The following DNAH10 variants were observed in gnomAD, a reference collection of about 807,000 sequenced individuals.
The protein encoded by DNAH10 is axonemal beta dynein heavy chain 10.
Under a neutral mutation model 506.6 loss-of-function variants are expected in DNAH10, and 348 were observed. The ratio of observed to expected loss-of-function variants is 0.69; its 90% CI spans 0.63 to 0.75. DNAH10 has a LOEUF of 0.75. Among genes scored for constraint, DNAH10 ranks in the 30% least tolerant of loss-of-function variants. The pLI, the probability that DNAH10 is intolerant of heterozygous loss-of-function variation, is 0.00. For synonymous variants in DNAH10, 2,059 were observed against 2,198.6 expected (o/e 0.94, Z 1.78); for missense variants, 5,179 against 5,787.1 (o/e 0.89, Z 3.41).
In DNAH10 at chr12:123,840,394, GTTTTTTTTTTTTTT is replaced by G. The variant is rs71088961; in HGVS notation, c.5137-913_5137-900del. On this transcript the variant is annotated intron_variant, in intron 29 of 78. Coordinates refer to ENST00000673944, the MANE Select transcript of DNAH10 (RefSeq NM_001372106.1). ...AGGCTTCTTCAGTATTCTGTTTCCA[GTTTTTTTTTTTTTT>G]TTTTTTTTTTTTTTCAGACAGGGCG... Among the ~76,000 whole-genome samples the G allele has an allele frequency of 4.0e-4, 15 of 37,786 alleles. 1 individual carries two copies. Among genetic ancestry groups the G allele is most frequent in the Middle Eastern group, 0.021 (1 of 48 alleles). The allele number at this position is 37,786 out of a possible 152,430, so 24.8% of individuals were successfully genotyped here.
chr12:123,838,477 G>C lies in DNAH10; in HGVS notation c.4924G>C (p.Asp1642His). The change falls in exon 29 of 79, where the codon GAC becomes CAC. Residue 1642 changes from aspartate (D) to histidine (H), a missense_variant. Around this residue, in one of 3 missense-constraint regions of DNAH10, gnomAD observed 4,844 missense variants for 5,430.5 expected, o/e 0.89. Transcript: ENST00000673944. ...FKRIMGETLK[D>H]PVIKRCCEAP... Reference sequence around the variant, plus strand: ...CCAGATCATGGGTGAGACCTTAAAAGACCCCGTGATCAAGAGGTGCTGTGA... The same window carrying C: ...CCAGATCATGGGTGAGACCTTAAAACACCCCGTGATCAAGAGGTGCTGTGA... 1 of 1,613,834 alleles carries C rather than the reference G, an allele frequency of 6.2e-7. No homozygotes were observed. Among genetic ancestry groups the C allele is most frequent in the Non-Finnish European group, 8.5e-7 (1 of 1,179,824 alleles).
Position 123,914,322 on chromosome 12 carries a change from G to A in DNAH10, c.10353-7G>A, listed in dbSNP as rs768070589. The A allele has an allele frequency of 6.8e-6, 11 of 1,609,468 alleles. No homozygotes were observed. The highest frequency in any genetic ancestry group is 6.7e-5 in the East Asian group (3 of 44,848). ...CTCACGGCAGCCTCCCTCTCCTCCC[G>A]TGCCAGGTGGCTGAACGACCTGGAT... On this transcript the variant is annotated splice_polypyrimidine_tract_variant and splice_region_variant and intron_variant, in intron 60 of 78. Coordinates refer to ENST00000673944, the MANE Select transcript of DNAH10 (RefSeq NM_001372106.1).
At chr12:123,843,469 G>GTGTA (rs1233907538) in intron 30 of DNAH10, among the ~76,000 whole-genome samples, 1 of 152,178 alleles carries the variant, frequency 6.6e-6, no homozygotes, top group East Asian at 1.9e-4. Context: ...CTCTCCTGAT[G>GTGTA]TGTAGGAATC....
Position 123,830,036 on chromosome 12 carries a change from T to G in DNAH10, c.4392-510T>G, listed in dbSNP as rs184355695. Among the ~76,000 whole-genome samples the G allele has an allele frequency of 2.0e-5, 3 of 152,280 alleles. No homozygotes were observed. In the East Asian group the frequency reaches 5.8e-4, roughly 29 times the overall value. The stretch of plus-strand genomic sequence containing the variant: ...TCAAAACCCTATGTCATTATTTAAT[T>G]TATAGATTTGTTGATTGTTTGTTGT... On this transcript the variant is annotated intron_variant, in intron 25 of 78. Transcript: ENST00000673944.
In DNAH10 at chr12:123,785,525, A is replaced by G. The variant is rs191220985; in HGVS notation, c.1231-221A>G. 6.6e-3 allele frequency among the ~76,000 whole-genome samples: 1,000 copies of G among 152,124 alleles called. 19 individuals carry two copies. Among genetic ancestry groups the G allele is most frequent in the African/African-American group, 0.022 (932 of 41,526 alleles). ...TGGTGCATGCCTGTATTCTCAGCTTACTTGGGAGGCTGAGGTGGGAGGATC... is the reference window on the plus strand; with the variant it reads ...TGGTGCATGCCTGTATTCTCAGCTTGCTTGGGAGGCTGAGGTGGGAGGATC... On this transcript the variant is annotated intron_variant, in intron 8 of 78. Transcript: ENST00000673944. The surrounding 1 kb of genome is among the most constrained non-coding windows in gnomAD (Gnocchi z 4.1).
intron 27 of DNAH10, 30 bp downstream of exon 27, chr12:123,833,377 T>G: frequency 1.9e-6 from 3 of 1,561,126 alleles, no homozygotes; most frequent in Non-Finnish European, 2.6e-6. Flanking sequence ...AAAGATGGAT[T>G]AGAGCCAGTG....
At chr12:123,856,797 AATAT>A (rs1161957961) in intron 36 of DNAH10, among the ~76,000 whole-genome samples, 1 of 147,844 alleles carries the variant, frequency 6.8e-6, no homozygotes, top group Non-Finnish European at 1.5e-5. Flanking sequence ...TGTATATAAA[AATAT>A]ATAATACATA....
intron 5 of DNAH10, among the ~76,000 whole-genome samples, chr12:123,774,672 T>G (rs1957374164): frequency 6.6e-6 from 1 of 152,260 alleles, no homozygotes; most frequent in African/African-American, 2.4e-5. Context: ...AGCATGTCCT[T>G]AAGGCATAAA....
chr12:123,793,704 A>C (rs187582140), intron 11 of DNAH10, among the ~76,000 whole-genome samples: 305 of 152,212 alleles, frequency 2.0e-3, no homozygotes, highest in Non-Finnish European at 3.4e-3. Flanking sequence ...CCTCTCCTGC[A>C]TTTTTTGTTT....
chr12:123,767,874 C>T (rs1166946393), intron 2 of DNAH10, among the ~76,000 whole-genome samples, 185 bp downstream of exon 2: 2 of 152,168 alleles, frequency 1.3e-5, no homozygotes, highest in Non-Finnish European at 2.9e-5. Context: ...CAAGTGACCA[C>T]AGACTGGGTG....
At chr12:123,851,152 C>G (rs138739907) in intron 35 of DNAH10, 76 bp downstream of exon 35, 4 of 1,444,136 alleles carry the variant, frequency 2.8e-6, no homozygotes, top group Non-Finnish European at 3.7e-6. Context: ...GGACCTAGGA[C>G]GCGTTAGCTC....
rs34114020 is a variant in DNAH10 at position 123,778,904 on chromosome 12, ATT to A, written c.622-2164_622-2163del. Among the ~76,000 whole-genome samples, 74 of 143,880 alleles carry A rather than the reference ATT, an allele frequency of 5.1e-4. 1 individual carries two copies. Among genetic ancestry groups the A allele is most frequent in the South Asian group, 2.0e-3 (9 of 4,468 alleles). The allele number at this position is 143,880 out of a possible 152,430, so 94.4% of individuals were successfully genotyped here. A position where few individuals can be genotyped will look rare whatever the true frequency, so the allele number is the denominator to read the frequency against. On this transcript the variant is annotated intron_variant, in intron 5 of 78. Coordinates refer to ENST00000673944, the MANE Select transcript of DNAH10 (RefSeq NM_001372106.1). ...AGGTGCACACCACTAAGACTGTCTC[ATT>A]TTTTTTTTTTTGAGGCGGAGTCTCA...
rs543127194 is a variant in DNAH10 at position 123,882,916 on chromosome 12, C to T, written c.8823+1103C>T. The stretch of plus-strand genomic sequence containing the variant: ...CCCTCATCAAGCCCTGAGCAACTAA[C>T]GGACTAATCTGCTTTCTGTCTCTAT... On this transcript the variant is annotated intron_variant, in intron 51 of 78. Coordinates refer to ENST00000673944, the MANE Select transcript of DNAH10 (RefSeq NM_001372106.1). Among the ~76,000 whole-genome samples the T allele has an allele frequency of 3.9e-5, 6 of 152,078 alleles. No homozygotes were observed. The East Asian group carries it at 7.7e-4, about 20-fold the overall frequency.
Position 123,845,843 on chromosome 12 carries a change from C to T in DNAH10, c.5604C>T (p.Asp1868=). The T allele has an allele frequency of 6.2e-7, 1 of 1,614,006 alleles. No homozygotes were observed. The highest frequency in any genetic ancestry group is 8.5e-7 in the Non-Finnish European group (1 of 1,179,906). The change falls in exon 31 of 79, where the codon GAC becomes GAT. Residue 1868 remains aspartate, a synonymous_variant. Coordinates refer to ENST00000673944, the MANE Select transcript of DNAH10 (RefSeq NM_001372106.1). The part of the protein sequence containing the change: ...TVLIIDVHAR[D]IVDSFIRGSI... ...TCATCATTGATGTGCATGCCAGAGA[C>T]ATAGTTGATTCTTTCATAAGAGGCA...
chr12:123,921,694 T>G (rs1214140501), intron 65 of DNAH10, among the ~76,000 whole-genome samples: 4 of 7,818 alleles, frequency 5.1e-4, no homozygotes, highest in African/African-American at 6.2e-4. Context: ...GCTTGCAGTT[T>G]TTTTTTTTTT....
chr12:123,800,423 T>A, intron 15 of DNAH10, 35 bp downstream of exon 15: 1 of 1,598,712 alleles, frequency 6.3e-7, no homozygotes, highest in Non-Finnish European at 8.5e-7. Context: ...AGCAGTAAGC[T>A]TTTTGTTCTT....
rs954930972 is a variant in DNAH10 at position 123,902,363 on chromosome 12, G to A, written c.9641-576G>A. Among the ~76,000 whole-genome samples the A allele has an allele frequency of 6.6e-6, 1 of 152,214 alleles. No individual in the cohort carries two copies. The highest frequency in any genetic ancestry group is 1.5e-5 in the Non-Finnish European group (1 of 68,044). On this transcript the variant is annotated intron_variant, in intron 56 of 78. Transcript: ENST00000673944. The surrounding 1 kb of genome is among the most constrained non-coding windows in gnomAD (Gnocchi z 4.5). ...TGAGCCAAGCCCTGCTCTAGGTTTT[G>A]GGGTTCCGGCCCTCGGGGAGGTGCT...
In DNAH10 at chr12:123,846,869, C is replaced by T. The variant is rs895814931; in HGVS notation, c.5814+715C>T. Among the ~76,000 whole-genome samples, 2 of 152,126 alleles carry T rather than the reference C, an allele frequency of 1.3e-5. No individual in the cohort carries two copies. The highest frequency in any genetic ancestry group is 2.4e-5 in the African/African-American group (1 of 41,492). ...TGTGGATGTGGCATGCACCTGGGCC[C>T]GTCTCCACATCACACCATGGGATTT... is the stretch of plus-strand genomic sequence containing the variant. On this transcript the variant is annotated intron_variant, in intron 32 of 78. Coordinates refer to ENST00000673944, the MANE Select transcript of DNAH10 (RefSeq NM_001372106.1). The surrounding 1 kb of genome is among the most constrained non-coding windows in gnomAD (Gnocchi z 4.5).
chr12:123,902,681 C>T lies in DNAH10; in HGVS notation c.9641-258C>T, dbSNP rs1173398953. On this transcript the variant is annotated intron_variant, in intron 56 of 78. Coordinates refer to ENST00000673944, the MANE Select transcript of DNAH10 (RefSeq NM_001372106.1). This position sits in a 1 kb window ranked among gnomAD's most constrained non-coding sequence, Gnocchi z 4.5. ...GCTATCAGGAGCCATGGGATTTGTC[C>T]TGGATGGAGTGGGTGGGACACAGGT... Among the ~76,000 whole-genome samples, 1 of 152,142 alleles carries T rather than the reference C, an allele frequency of 6.6e-6. No individual in the cohort carries two copies. The highest frequency in any genetic ancestry group is 1.5e-5 in the Non-Finnish European group (1 of 68,026).
Sources: allele counts gnomAD v4.1 joint callset (sites outside exome capture counted in the v4.1 genomes callset), GRCh38; gene constraint gnomAD v4.1.1; regional missense constraint gnomAD v4.1.1; non-coding constraint Gnocchi (gnomAD v3.1); transcripts MANE v1.5; gene names NCBI Gene and HGNC (gene_info 2026-07-23, HGNC 2026-07-21).